The following DCC variants were observed in gnomAD, a reference collection of about 807,000 sequenced individuals.
The protein encoded by DCC is netrin receptor DCC.
Under a neutral mutation model 172.5 loss-of-function variants are expected in DCC, and 58 were observed. The ratio of observed to expected loss-of-function variants is 0.34; its 90% CI spans 0.27 to 0.42. The LOEUF is 0.42. Among genes scored for constraint, DCC ranks in the 10% least tolerant of loss-of-function variants. The probability of loss-of-function intolerance (pLI) is 1.00; values close to 1 mark genes in which losing one functional copy is unlikely to be tolerated. For synonymous variants in DCC, 709 were observed against 644.5 expected, an observed-to-expected ratio of 1.10 and a Z score of -1.52; for missense variants, 1,740 against 1,791.0, an observed-to-expected ratio of 0.97 and a Z score of 0.51.
intron 12 of DCC, among the ~76,000 whole-genome samples, chr18:53,256,897 T>A (rs145786125): frequency 6.6e-6 from 1 of 152,028 alleles, no homozygotes; most frequent in Non-Finnish European, 1.5e-5. Flanking sequence ...TTGAGCAGTG[T>A]TTTGTAGTTC....
intron 1 of DCC, among the ~76,000 whole-genome samples, chr18:52,638,938 T>G (rs77988399): frequency 0.016 from 2,454 of 152,054 alleles, 23 homozygotes; most frequent in Non-Finnish European, 0.025. Flanking sequence ...TTCTCCAAGA[T>G]AGACCATATG....
At chr18:52,479,029 C>T (rs1989175859) in intron 1 of DCC, among the ~76,000 whole-genome samples, 1 of 152,116 alleles carries the variant, frequency 6.6e-6, no homozygotes, top group Non-Finnish European at 1.5e-5. Flanking sequence ...AAAAAGTTCA[C>T]CTTTACCACC....
At chr18:52,926,597 G>A (rs886928704) in intron 5 of DCC, among the ~76,000 whole-genome samples, 2 of 151,600 alleles carry the variant, frequency 1.3e-5, no homozygotes, top group Non-Finnish European at 3.0e-5. Context: ...GTATATTACT[G>A]ATTATAAGGC....
At chr18:53,399,335 C>T (rs1260674419) in intron 18 of DCC, among the ~76,000 whole-genome samples, 1 of 152,022 alleles carries the variant, frequency 6.6e-6, no homozygotes, top group African/African-American at 2.4e-5. Flanking sequence ...TCTTTTGAGA[C>T]AGGTGATCAC....
At chr18:52,736,280 T>TTA (rs1555653940) in intron 1 of DCC, among the ~76,000 whole-genome samples, 3 of 131,848 alleles carry the variant, frequency 2.3e-5, no homozygotes, top group South Asian at 2.4e-4. Context: ...ACTGTAAACA[T>TTA]AAAAAAAAAA....
Position 53,305,614 on chromosome 18 carries a change from A to G in DCC, c.1948A>G (p.Thr650Ala). The change falls in exon 13 of 29, where the codon ACA becomes GCA. Residue 650 changes from threonine (T) to alanine (A), a missense_variant. By Grantham distance (58) the Thr-to-Ala change is moderately conservative (BLOSUM62 0). Coordinates refer to ENST00000442544, the MANE Select transcript of DCC (RefSeq NM_005215.4). ...KVSWLPPPSG[T>A]QNGFITGYKI... ...TAGCTGGCTGCCTCCTCCATCAGGA[A>G]CACAAAATGGATTTATTACCGGCTA... 6.2e-7 allele frequency: 1 copy of G among 1,613,432 alleles called. No homozygotes were observed. The highest frequency in any genetic ancestry group is 8.5e-7 in the Non-Finnish European group (1 of 1,179,370).
At chr18:52,434,552 A>T (rs893041053) in intron 1 of DCC, among the ~76,000 whole-genome samples, 9 of 152,144 alleles carry the variant, frequency 5.9e-5, no homozygotes, top group Non-Finnish European at 1.3e-4. Flanking sequence ...TGCTGCATAA[A>T]CTATTTTTGG....
intron 1 of DCC, among the ~76,000 whole-genome samples, chr18:52,366,218 G>C (rs1984843987): frequency 6.6e-6 from 1 of 152,116 alleles, no homozygotes; most frequent in South Asian, 2.1e-4. Flanking sequence ...GTGGGTTCTT[G>C]GTCTCACTGA....
intron 1 of DCC, among the ~76,000 whole-genome samples, chr18:52,449,652 G>A (rs1988238135): frequency 6.6e-6 from 1 of 152,216 alleles, no homozygotes. Flanking sequence ...TGTCACTCAT[G>A]TACTCTGATA....
At chr18:52,425,526 A>G (rs1045817617) in intron 1 of DCC, among the ~76,000 whole-genome samples, 125 of 152,162 alleles carry the variant, frequency 8.2e-4, no homozygotes, top group African/African-American at 2.9e-3. Context: ...GTCCCACTAC[A>G]CATGCATTTA....
intron 2 of DCC, among the ~76,000 whole-genome samples, chr18:52,888,022 T>TCG (rs1233915752): frequency 1.3e-5 from 2 of 152,238 alleles, no homozygotes; most frequent in Non-Finnish European, 2.9e-5. Context: ...CTTTATCACT[T>TCG]AATAAATGAA....
At chr18:52,357,821 C>T (rs1984437649) in intron 1 of DCC, among the ~76,000 whole-genome samples, 2 of 151,900 alleles carry the variant, frequency 1.3e-5, no homozygotes, top group African/African-American at 4.8e-5. Context: ...GCCTGTAGTC[C>T]CAGCTACTCG....
At chr18:53,452,526 G>T (rs1171034627) in intron 23 of DCC, among the ~76,000 whole-genome samples, 1 of 152,114 alleles carries the variant, frequency 6.6e-6, no homozygotes, top group Non-Finnish European at 1.5e-5. Flanking sequence ...GTGCCATGTT[G>T]AGAAAATCTC....
Position 52,700,385 on chromosome 18 carries a change from A to G in DCC, c.92-51669A>G, listed in dbSNP as rs569296727. Among the ~76,000 whole-genome samples, 3 of 150,914 alleles carry G rather than the reference A, an allele frequency of 2.0e-5. No homozygotes were observed. The South Asian group carries it at 6.3e-4, about 32-fold the overall frequency. On this transcript the variant is annotated intron_variant, in intron 1 of 28. Transcript: ENST00000442544. ...CACACACACATGCACACACATGCAC[A>G]CTCATGCACATGCACACACACACGC...
chr18:52,879,412 C>CTTTTTTTTTTTTTTTTTTT lies in DCC; in HGVS notation c.413-26621_413-26603dup, dbSNP rs71175533. On this transcript the variant is annotated intron_variant, in intron 2 of 28. Coordinates refer to ENST00000442544, the MANE Select transcript of DCC (RefSeq NM_005215.4). ...AATTTCTAGCCCATATGTTGTTTGG[C>CTTTTTTTTTTTTTTTTTTT]TTTTTTTTTTTTTTTTTTTTTTTTT... 2.7e-3 allele frequency among the ~76,000 whole-genome samples: 168 copies of CTTTTTTTTTTTTTTTTTTT among 62,316 alleles called. 33 individuals are homozygous for CTTTTTTTTTTTTTTTTTTT. The highest frequency in any genetic ancestry group is 3.4e-3 in the African/African-American group (50 of 14,498). The allele number at this position is 62,316 out of a possible 152,430, so 40.9% of individuals were successfully genotyped here. A position where few individuals can be genotyped will look rare whatever the true frequency, so the allele number is the denominator to read the frequency against.
intron 14 of DCC, among the ~76,000 whole-genome samples, chr18:53,327,965 T>A (rs1223366857): frequency 6.6e-6 from 1 of 152,220 alleles, no homozygotes; most frequent in Admixed American, 6.5e-5. Context: ...CAGTAGCTAT[T>A]CCACTGTGAA....
intron 27 of DCC, among the ~76,000 whole-genome samples, chr18:53,499,975 A>G (rs1293616613): frequency 6.6e-6 from 1 of 152,238 alleles, no homozygotes; most frequent in Non-Finnish European, 1.5e-5. Flanking sequence ...TATTTATTTC[A>G]GAGTACTAGG....
intron 2 of DCC, among the ~76,000 whole-genome samples, chr18:52,860,232 T>C (rs943897425): frequency 3.3e-5 from 5 of 152,236 alleles, no homozygotes; most frequent in African/African-American, 1.2e-4. Context: ...AATCAGGTGT[T>C]CAAGTGAACT....
chr18:53,280,249 A>G (rs1319116775), intron 12 of DCC, among the ~76,000 whole-genome samples: 1 of 152,130 alleles, frequency 6.6e-6, no homozygotes, highest in Non-Finnish European at 1.5e-5. Context: ...TTTTCTACTG[A>G]TGTTTAGATT....
Sources: allele counts gnomAD v4.1 joint callset (sites outside exome capture counted in the v4.1 genomes callset), GRCh38; gene constraint gnomAD v4.1.1; transcripts MANE v1.5; gene names NCBI Gene and HGNC (gene_info 2026-07-23, HGNC 2026-07-21).